Variants in DOCK1 observed in about 807,000 individuals in gnomAD.
DOCK1 encodes dedicator of cytokinesis protein 1.
DOCK1 carries 138 observed loss-of-function variants against 262.7 expected under a neutral mutation model. The observed-to-expected ratio is 0.53, with a 90% CI of 0.46 to 0.61. DOCK1 has a LOEUF of 0.61. Ranked by LOEUF, DOCK1 falls within the 20% of genes least tolerant of loss-of-function variation. The probability of loss-of-function intolerance (pLI) is 0.00; values close to 1 mark genes in which losing one functional copy is unlikely to be tolerated. For missense variants in DOCK1, 1,908 were observed against 2,370.7 expected, an observed-to-expected ratio of 0.80 and a Z score of 4.05; for synonymous variants, 866 against 867.4, an observed-to-expected ratio of 1.00 and a Z score of 0.03.
At chr10:127,048,530 A>G (rs1191355397) in intron 21 of DOCK1, among the ~76,000 whole-genome samples, 2 of 152,142 alleles carry the variant, frequency 1.3e-5, no homozygotes, top group African/African-American at 2.4e-5. Context: ...CTAAATCATC[A>G]TTTAAAAAAA....
intron 25 of DOCK1, among the ~76,000 whole-genome samples, chr10:127,125,118 A>G (rs1486334199): frequency 6.6e-6 from 1 of 152,270 alleles, no homozygotes; most frequent in Non-Finnish European, 1.5e-5. Flanking sequence ...CTCCGTCTCA[A>G]AAACAAAACA....
chr10:126,956,998 G>T (rs2134475456), intron 1 of DOCK1, among the ~76,000 whole-genome samples: 1 of 152,292 alleles, frequency 6.6e-6, no homozygotes, highest in African/African-American at 2.4e-5. Flanking sequence ...CCCCCACATT[G>T]GAGGGAACAT....
At chr10:127,448,615 C>T (rs918026244) in intron 51 of DOCK1, among the ~76,000 whole-genome samples, 1 of 152,212 alleles carries the variant, frequency 6.6e-6, no homozygotes, top group Non-Finnish European at 1.5e-5. Context: ...ATGTTATTCA[C>T]AGCCTTTGAC....
chr10:127,286,813 G>A (rs1421090502), intron 29 of DOCK1, among the ~76,000 whole-genome samples: 2 of 150,514 alleles, frequency 1.3e-5, no homozygotes, highest in Non-Finnish European at 3.0e-5. Context: ...GCCTTTGGTT[G>A]TTATATCTAG....
intron 31 of DOCK1, among the ~76,000 whole-genome samples, chr10:127,348,123 T>C (rs967414178): frequency 2.0e-5 from 3 of 151,474 alleles, no homozygotes; most frequent in African/African-American, 4.9e-5. Flanking sequence ...CAGACCCAAA[T>C]TGAGTATGAG....
chr10:127,004,785 A>AC (rs2040886445), intron 10 of DOCK1, among the ~76,000 whole-genome samples: 1 of 8,290 alleles, frequency 1.2e-4, no homozygotes, highest in African/African-American at 5.0e-4. Context: ...CCCCCGCCCC[A>AC]AAAAAAAGAA....
intron 37 of DOCK1, among the ~76,000 whole-genome samples, 159 bp from the exon 38 acceptor site, chr10:127,384,631 G>A (rs887626671): frequency 3.9e-5 from 6 of 152,200 alleles, no homozygotes; most frequent in South Asian, 2.1e-4. Context: ...CGGTATGTCC[G>A]GACAGAGGCT....
chr10:127,146,620 G>A (rs1322977464), intron 27 of DOCK1, among the ~76,000 whole-genome samples: 1 of 152,056 alleles, frequency 6.6e-6, no homozygotes, highest in Non-Finnish European at 1.5e-5. Flanking sequence ...TTCCTACCCT[G>A]TCACTCACCA....
chr10:127,153,979 A>T, intron 27 of DOCK1: 1 of 1,261,540 alleles, frequency 7.9e-7, no homozygotes. Flanking sequence ...CACTGGCTTT[A>T]TAGAGCAGAT....
chr10:127,130,726 T>A (rs1435900248), intron 27 of DOCK1, among the ~76,000 whole-genome samples: 1 of 152,214 alleles, frequency 6.6e-6, no homozygotes, highest in African/African-American at 2.4e-5. Context: ...TCTCATTTAA[T>A]TCTCACAGTG....
chr10:126,969,701 TG>T (rs2037950026), intron 1 of DOCK1, among the ~76,000 whole-genome samples: 1 of 152,146 alleles, frequency 6.6e-6, no homozygotes, highest in African/African-American at 2.4e-5. Flanking sequence ...CCCAAAGATG[TG>T]GGCTGGACTG....
At chr10:127,268,132 AAG>A (rs1176559344) in intron 29 of DOCK1, among the ~76,000 whole-genome samples, 1 of 152,150 alleles carries the variant, frequency 6.6e-6, no homozygotes, top group Non-Finnish European at 1.5e-5. Context: ...CCCTGCCGCA[AAG>A]AGTCATTTCA....
chr10:127,074,528 T>A (rs2046404589), intron 23 of DOCK1, among the ~76,000 whole-genome samples: 2 of 152,216 alleles, frequency 1.3e-5, no homozygotes, highest in African/African-American at 4.8e-5. Flanking sequence ...CAAGTAGAAT[T>A]ATTTTTCCCT....
intron 29 of DOCK1, among the ~76,000 whole-genome samples, chr10:127,258,220 C>G (rs979360750): frequency 1.3e-5 from 2 of 152,170 alleles, no homozygotes; most frequent in Non-Finnish European, 2.9e-5. Flanking sequence ...TCCACCACCA[C>G]CGTGAAGCCA....
At chr10:127,439,890 C>T (rs11595027) in intron 49 of DOCK1, among the ~76,000 whole-genome samples, 19 of 152,214 alleles carry the variant, frequency 1.2e-4, no homozygotes, top group Non-Finnish European at 2.5e-4. Context: ...ACCCAGGAGC[C>T]GGCTCTCATC....
At chr10:126,960,184 A>G (rs918175038) in intron 1 of DOCK1, among the ~76,000 whole-genome samples, 119 of 152,188 alleles carry the variant, frequency 7.8e-4, no homozygotes, top group African/African-American at 2.7e-3. Flanking sequence ...CTATTTATTT[A>G]TTAAGTGATT....
At chr10:127,316,026 T>G (rs1018553407) in intron 29 of DOCK1, among the ~76,000 whole-genome samples, 2 of 151,834 alleles carry the variant, frequency 1.3e-5, no homozygotes, top group Admixed American at 6.6e-5. Context: ...TCCTTACTCT[T>G]TAAAAAGAAA....
intron 33 of DOCK1, among the ~76,000 whole-genome samples, chr10:127,364,200 C>T (rs890895628): frequency 6.6e-6 from 1 of 152,100 alleles, no homozygotes; most frequent in African/African-American, 2.4e-5. Context: ...GTTCCGGAAG[C>T]CGGGGAGGAG....
At chr10:127,339,318 A>G (rs995605643) in intron 30 of DOCK1, among the ~76,000 whole-genome samples, 2 of 152,156 alleles carry the variant, frequency 1.3e-5, no homozygotes, top group Non-Finnish European at 2.9e-5. Context: ...GAGAGAAGCT[A>G]TTGAATCAGA....
Sources: gnomAD v4.1 joint callset for allele counts (sites outside exome capture counted in the v4.1 genomes callset) on GRCh38, gnomAD v4.1.1 for gene constraint, MANE v1.5 for transcripts, NCBI Gene and HGNC (gene_info 2026-07-23, HGNC 2026-07-21) for gene names.